The following ACO1 variants were observed in gnomAD, a reference collection of about 807,000 sequenced individuals.
The protein encoded by ACO1 is aconitase 1.
Under a neutral mutation model 105.1 loss-of-function variants are expected in ACO1, and 78 were observed. The ratio of observed to expected loss-of-function variants is 0.74; its 90% CI spans 0.62 to 0.90. The LOEUF is 0.90. Ranked by LOEUF, ACO1 falls within the 40% of genes least tolerant of loss-of-function variation. The pLI, the probability that ACO1 is intolerant of heterozygous loss-of-function variation, is 0.00. For synonymous variants in ACO1, 364 were observed against 397.4 expected, an observed-to-expected ratio of 0.92 and a Z score of 1.00; for missense variants, 965 against 1,111.1, an observed-to-expected ratio of 0.87 and a Z score of 1.87.
intron 10 of ACO1, among the ~76,000 whole-genome samples, chr9:32,425,137 A>C (rs1822060299): frequency 6.6e-6 from 1 of 152,154 alleles, no homozygotes; most frequent in Admixed American, 6.5e-5. Context: ...ATAGCATTCC[A>C]TATTCTTTAA....
chr9:32,403,343 G>A (rs957263252), intron 1 of ACO1, among the ~76,000 whole-genome samples: 1 of 152,186 alleles, frequency 6.6e-6, no homozygotes, highest in African/African-American at 2.4e-5. Context: ...ATAACTAACT[G>A]GTTCTTCTCT....
intron 1 of ACO1, among the ~76,000 whole-genome samples, chr9:32,403,751 G>T (rs1306374465): frequency 6.6e-6 from 1 of 152,188 alleles, no homozygotes; most frequent in Non-Finnish European, 1.5e-5. Flanking sequence ...GCCATTGAAA[G>T]AGGTGAATGA....
chr9:32,427,186 TG>T, intron 11 of ACO1, 114 bp from the exon 12 acceptor site: 1 of 1,303,946 alleles, frequency 7.7e-7, no homozygotes, highest in Non-Finnish European at 1.1e-6. Flanking sequence ...GAAGGGAGCG[TG>T]GTCAGGTGGT....
intron 1 of ACO1, among the ~76,000 whole-genome samples, chr9:32,398,377 C>G (rs375077842): frequency 7.9e-5 from 12 of 152,108 alleles, no homozygotes; most frequent in African/African-American, 2.9e-4. Context: ...TCACATGGCA[C>G]TCCTCTTGAA....
intron 4 of ACO1, among the ~76,000 whole-genome samples, chr9:32,417,100 A>T (rs1006202518): frequency 6.6e-6 from 1 of 152,152 alleles, no homozygotes; most frequent in Admixed American, 6.5e-5. Flanking sequence ...CTGGGTTTCA[A>T]TCCCAGTTCC....
chr9:32,423,172 G>A (rs979706851), intron 8 of ACO1, 147 bp from the exon 9 acceptor site: 5 of 517,578 alleles, frequency 9.7e-6, no homozygotes, highest in Non-Finnish European at 1.7e-5. Context: ...TAGCCTGGAA[G>A]CCTAAAAATT....
intron 16 of ACO1, 86 bp from the exon 17 acceptor site, chr9:32,434,473 G>A: frequency 4.0e-6 from 6 of 1,515,746 alleles, no homozygotes; most frequent in Admixed American, 3.5e-5. Flanking sequence ...TCTGATTCAG[G>A]TCCATGGGCC....
chr9:32,398,561 TTTTC>T (rs932824073), intron 1 of ACO1, among the ~76,000 whole-genome samples: 6 of 138,340 alleles, frequency 4.3e-5, no homozygotes, highest in South Asian at 2.6e-4. Flanking sequence ...TCTTTTTTCT[TTTTC>T]TTTCTTTCTT....
chr9:32,447,668 G>C (rs1211038129), intron 19 of ACO1, among the ~76,000 whole-genome samples: 2 of 152,216 alleles, frequency 1.3e-5, no homozygotes, highest in African/African-American at 4.8e-5. Flanking sequence ...GGAATGTTCA[G>C]CGTTTTTGTG....
intron 1 of ACO1, among the ~76,000 whole-genome samples, chr9:32,397,843 T>C (rs954611609): frequency 2.6e-5 from 4 of 152,164 alleles, no homozygotes; most frequent in African/African-American, 9.7e-5. Context: ...CTTGTTTGCA[T>C]AGACTTTTTA....
At position 32,413,398 on chromosome 9, in the gene ACO1, C is replaced by T. The variant is rs563014787; in HGVS notation, c.405-4730C>T. ...ACTCAGGCGGCTGAGACAGGGGAAT[C>T]GCTTGAATCTGCAAGGTGGAGGTTG... On this transcript the variant is annotated intron_variant, in intron 4 of 20. Transcript: ENST00000309951. 1.8e-3 allele frequency among the ~76,000 whole-genome samples: 266 copies of T among 150,172 alleles called. 2 individuals carry two copies. Among genetic ancestry groups the T allele is most frequent in the African/African-American group, 4.8e-3 (196 of 40,758 alleles).
At chr9:32,437,285 C>T (rs1563946082) in intron 18 of ACO1, among the ~76,000 whole-genome samples, 1 of 152,114 alleles carries the variant, frequency 6.6e-6, no homozygotes, top group Non-Finnish European at 1.5e-5. Context: ...CATATTACTC[C>T]TTTAGGTCAC....
At position 32,450,128 on chromosome 9, in the gene ACO1, G is replaced by T. The variant is rs766185191; in HGVS notation, c.*17G>T. 6.3e-7 allele frequency: 1 copy of T among 1,596,314 alleles called. No individual in the cohort carries two copies. Among genetic ancestry groups the T allele is most frequent in the African/African-American group, 1.3e-5 (1 of 74,470 alleles). The stretch of plus-strand genomic sequence containing the variant: ...GCCAAGTAGGAGACGTGCACTTGGT[G>T]CTGCGCCCAGGGAGGAAGCCGCACC... On this transcript the variant is annotated 3_prime_UTR_variant, in exon 21 of 21. Transcript: ENST00000309951.
intron 1 of ACO1, among the ~76,000 whole-genome samples, chr9:32,402,321 A>G: frequency 6.6e-6 from 1 of 152,252 alleles, no homozygotes. Flanking sequence ...TTCAAAAAAG[A>G]AAAACACCAT....
chr9:32,395,337 G>A (rs1030605803), intron 1 of ACO1, among the ~76,000 whole-genome samples: 4 of 152,130 alleles, frequency 2.6e-5, no homozygotes, highest in African/African-American at 7.2e-5. Context: ...TTAGCCAGGC[G>A]TGGTGGTGGG....
intron 1 of ACO1, among the ~76,000 whole-genome samples, chr9:32,400,754 G>A (rs1012302013): frequency 1.3e-5 from 2 of 152,224 alleles, no homozygotes; most frequent in African/African-American, 2.4e-5. Flanking sequence ...GAAGTAAGTA[G>A]TAAATGAATG....
At chr9:32,428,101 C>T (rs1392652623) in intron 12 of ACO1, among the ~76,000 whole-genome samples, 1 of 140,216 alleles carries the variant, frequency 7.1e-6, no homozygotes, top group Admixed American at 7.2e-5. Flanking sequence ...ATAGTGGGAC[C>T]CCTGTTTCTA....
intron 4 of ACO1, among the ~76,000 whole-genome samples, chr9:32,415,522 T>C (rs958722372): frequency 3.3e-5 from 5 of 152,138 alleles, no homozygotes; most frequent in Non-Finnish European, 4.4e-5. Flanking sequence ...TTGGTGCGCA[T>C]GCCCGAAACA....
At chr9:32,418,800 A>G (rs377626313) in intron 6 of ACO1, among the ~76,000 whole-genome samples, 1 of 152,196 alleles carries the variant, frequency 6.6e-6, no homozygotes, top group African/African-American at 2.4e-5. Flanking sequence ...TCTTCTTTGC[A>G]TGTGGCATCA....
Sources: allele counts gnomAD v4.1 joint callset (sites outside exome capture counted in the v4.1 genomes callset), GRCh38; gene constraint gnomAD v4.1.1; transcripts MANE v1.5; gene names NCBI Gene and HGNC (gene_info 2026-07-23, HGNC 2026-07-21).